TRRAP: variants seen among roughly 807,000 people sequenced by gnomAD.
TRRAP encodes the protein transformation/transcription domain associated protein.
In TRRAP, 41 loss-of-function variants were observed where a neutral mutation model predicts 438.8. The observed-to-expected ratio is 0.09, with a 90% CI of 0.07 to 0.12. The LOEUF (loss-of-function observed/expected upper bound fraction) is 0.12, where lower values mean the gene tolerates loss of function less well. Among genes scored for constraint, TRRAP ranks in the 10% least tolerant of loss-of-function variants. The pLI, the probability that TRRAP is intolerant of heterozygous loss-of-function variation, is 1.00. For missense variants in TRRAP, 3,122 were observed against 5,055.1 expected, an observed-to-expected ratio of 0.62 and a Z score of 11.60; for synonymous variants, 1,994 against 1,962.9, an observed-to-expected ratio of 1.02 and a Z score of -0.42.
rs1792070051 is a variant in TRRAP, at chr7:98,964,637, A to G, written c.6838A>G (p.Met2280Val). The change falls in exon 48 of 73, where the codon ATG (methionine) becomes GTG (valine). Residue 2280 changes from methionine (M) to valine (V), a missense_variant. This residue lies in a region of TRRAP where 992 missense variants were observed against 1,281.2 expected (regional missense o/e 0.77). Coordinates refer to ENST00000456197, the MANE Select transcript of TRRAP (RefSeq NM_001375524.1). ...ANPSQLFGTL[M>V]ILKSACSNNP... The stretch of plus-strand genomic sequence containing the variant: ...CAATTTCTACATTTTAGGGACCCTT[A>G]TGATCCTCAAGTCTGCCTGCAGCAA... The G allele has an allele frequency of 1.2e-6, 2 of 1,612,584 alleles. No individual in the cohort carries two copies. The highest frequency in any genetic ancestry group is 1.7e-6 in the Non-Finnish European group (2 of 1,179,630).
chr7:98,965,549 G>GTGC lies in TRRAP; in HGVS notation c.6977-145_6977-143dup. 2.9e-6 allele frequency: 3 copies of GTGC among 1,039,290 alleles called. No homozygotes were observed. The East Asian group carries it at 7.6e-5, about 26-fold the overall frequency. 64.4% of individuals were successfully genotyped at this position (1,039,290 alleles called of 1,614,324 possible). On this transcript the variant is annotated intron_variant, in intron 48 of 72. Coordinates refer to ENST00000456197, the MANE Select transcript of TRRAP (RefSeq NM_001375524.1). ...CCAAGATGCACGTAAGAACATATGA[G>GTGC]TGCTTCAAATCCCAGAGCTCTAGTT...
Position 98,942,973 on chromosome 7 carries a change from G to A in TRRAP, c.4429G>A (p.Val1477Met), listed in dbSNP as rs1554416019. 7 of 1,614,220 alleles carry A rather than the reference G, an allele frequency of 4.3e-6. No homozygotes were observed. Among genetic ancestry groups the A allele is most frequent in the Non-Finnish European group, 5.9e-6 (7 of 1,180,048 alleles). The change falls in exon 31 of 73, where the codon GTG becomes ATG. Residue 1477 changes from valine to methionine, a missense_variant. By Grantham distance (21) the Val-to-Met change is conservative (BLOSUM62 1). Around this residue, in one of 24 missense-constraint regions of TRRAP, gnomAD observed 108 missense variants for 256.9 expected, o/e 0.42. Transcript: ENST00000456197. The part of the protein sequence containing the change: ...MMQHLRKWME[V>M]VVITHKGGQR... The stretch of plus-strand genomic sequence containing the variant: ...GCAACATCTGCGCAAGTGGATGGAA[G>A]TGGTGGTGATCACCCACAAAGGGGG...
chr7:99,001,835 T>A (rs1793935561), intron 67 of TRRAP, among the ~76,000 whole-genome samples: 1 of 152,186 alleles, frequency 6.6e-6, no homozygotes, highest in Non-Finnish European at 1.5e-5. Flanking sequence ...TCCATTCATG[T>A]GGGAACTGGT....
In TRRAP at chr7:98,918,996, A is replaced by G. The variant is rs115878630; in HGVS notation, c.2622+1317A>G. 6.1e-3 allele frequency among the ~76,000 whole-genome samples: 933 copies of G among 152,164 alleles called. 10 individuals are homozygous for G. Among genetic ancestry groups the G allele is most frequent in the African/African-American group, 0.021 (870 of 41,540 alleles). Reference sequence around the variant, plus strand: ...GCTTAAACTGTCTCAAAAAAAAAAAAAAAAGAAAAAAAGGTTGATATGTTA... The same window carrying G: ...GCTTAAACTGTCTCAAAAAAAAAAAGAAAAGAAAAAAAGGTTGATATGTTA... On this transcript the variant is annotated intron_variant, in intron 20 of 72. Coordinates refer to ENST00000456197, the MANE Select transcript of TRRAP (RefSeq NM_001375524.1).
chr7:99,011,530 T>G lies in TRRAP; in HGVS notation c.11332T>G (p.Phe3778Val). The change falls in exon 72 of 73, where the codon TTT becomes GTT. Residue 3778 changes from phenylalanine to valine, a missense_variant. By Grantham distance (50) the Phe-to-Val change is conservative (BLOSUM62 -1). This residue lies in a region of TRRAP where 192 missense variants were observed against 355.6 expected (regional missense o/e 0.54). Transcript: ENST00000456197. This position sits in a 1 kb window ranked among gnomAD's most constrained non-coding sequence, Gnocchi z 7.1. Reference protein sequence around the residue: ...AVARCFAQPNFKVDGILKTVL... With the variant: ...AVARCFAQPNVKVDGILKTVL... ...CGCCCGGTGCTTCGCCCAGCCAAACTTTAAGGTGGGTCTCCACGTCGTCCT... is the reference window on the plus strand; with the variant it reads ...CGCCCGGTGCTTCGCCCAGCCAAACGTTAAGGTGGGTCTCCACGTCGTCCT... The G allele has an allele frequency of 6.2e-7, 1 of 1,613,544 alleles. No individual in the cohort carries two copies. Among genetic ancestry groups the G allele is most frequent in the Non-Finnish European group, 8.5e-7 (1 of 1,179,756 alleles).
intron 8 of TRRAP, 68 bp downstream of exon 8, chr7:98,897,934 T>A: frequency 6.4e-7 from 1 of 1,551,464 alleles, no homozygotes; most frequent in Non-Finnish European, 8.7e-7. Flanking sequence ...TGTTAAACCA[T>A]TTTTTTTTCT....
chr7:98,899,872 G>T, intron 10 of TRRAP, 105 bp downstream of exon 10: 1 of 1,312,456 alleles, frequency 7.6e-7, no homozygotes, highest in Non-Finnish European at 1.1e-6. Context: ...ATAAAATTTT[G>T]GTAAAATTAT....
chr7:98,946,606 GCA>G (rs1177329076), intron 33 of TRRAP, among the ~76,000 whole-genome samples: 3 of 145,944 alleles, frequency 2.1e-5, no homozygotes, highest in East Asian at 2.0e-4. Flanking sequence ...CAACACATAT[GCA>G]CACACACCAC....
At chr7:98,899,600 GTGA>G in intron 9 of TRRAP, 76 bp from the exon 10 acceptor site, 1 of 1,604,090 alleles carries the variant, frequency 6.2e-7, no homozygotes, top group Non-Finnish European at 8.5e-7. Context: ...GCTAAATAAT[GTGA>G]TGATTCTTCG....
At chr7:98,957,127 A>G (rs1791654849) in intron 43 of TRRAP, among the ~76,000 whole-genome samples, 1 of 151,060 alleles carries the variant, frequency 6.6e-6, no homozygotes, top group South Asian at 2.1e-4. Flanking sequence ...CACTTTGTCC[A>G]TTGGCCTCGC....
intron 16 of TRRAP, 32 bp from the exon 17 acceptor site, chr7:98,911,045 T>C (rs1379511872): frequency 1.1e-5 from 17 of 1,599,538 alleles, no homozygotes; most frequent in Non-Finnish European, 1.4e-5. Context: ...TCAGTTTTAA[T>C]GCCTGTGGGC....
chr7:98,923,744 G>A (rs1430763387), intron 21 of TRRAP, among the ~76,000 whole-genome samples: 1 of 152,234 alleles, frequency 6.6e-6, no homozygotes, highest in African/African-American at 2.4e-5. Context: ...AGGGGCTGGT[G>A]GGGAGGGCCT....
intron 47 of TRRAP, 51 bp downstream of exon 47, chr7:98,962,478 C>T: frequency 6.2e-7 from 1 of 1,611,692 alleles, no homozygotes; most frequent in Non-Finnish European, 8.5e-7. Flanking sequence ...TGGCCTCTTT[C>T]CCCGCTCACT....
At position 98,984,118 on chromosome 7, in the gene TRRAP, C is replaced by A. The variant is rs755620745; in HGVS notation, c.9048C>A (p.Ser3016Arg). Reference sequence around the variant, plus strand: ...CGATTGTAACTGCCTATGAGAATAGCTCTCAGCATGATCCCAGTTCAAATA... The same window carrying A: ...CGATTGTAACTGCCTATGAGAATAGATCTCAGCATGATCCCAGTTCAAATA... Reference protein sequence around the residue: ...YQAIVTAYENSSQHDPSSNNA... With the variant: ...YQAIVTAYENRSQHDPSSNNA... The change falls in exon 61 of 73, where the codon AGC becomes AGA. Residue 3016 changes from serine to arginine, a missense_variant. By Grantham distance (110) the Ser-to-Arg change is moderately radical. Transcript: ENST00000456197. 3 of 1,611,826 alleles carry A rather than the reference C, an allele frequency of 1.9e-6. No homozygotes were observed. The highest frequency in any genetic ancestry group is 2.2e-5 in the South Asian group (2 of 90,522).
At position 98,927,421 on chromosome 7, in the gene TRRAP, C is replaced by A. The variant is rs1162338369; in HGVS notation, c.3175+55C>A. The A allele has an allele frequency of 3.8e-6, 6 of 1,572,412 alleles. No individual in the cohort carries two copies. The Admixed American group carries it at 1.1e-4, about 29-fold the overall frequency. Reference sequence around the variant, plus strand: ...ATTGGTTCTTTGACTTTTATAGGTGCTTTAAAAACTTGCTCAGGACATTTT... The same window carrying A: ...ATTGGTTCTTTGACTTTTATAGGTGATTTAAAAACTTGCTCAGGACATTTT... On this transcript the variant is annotated intron_variant, in intron 23 of 72. Coordinates refer to ENST00000456197, the MANE Select transcript of TRRAP (RefSeq NM_001375524.1).
At chr7:98,941,639 G>A (rs1790801548) in intron 30 of TRRAP, among the ~76,000 whole-genome samples, 1 of 152,144 alleles carries the variant, frequency 6.6e-6, no homozygotes, top group Admixed American at 6.5e-5. Flanking sequence ...GAGCCATTCT[G>A]GTAAGGAGTA....
rs1235321862 is a variant in TRRAP at position 98,933,309 on chromosome 7, C to T, written c.3921C>T (p.Gly1307=). ...ACCAGCCTGCCAACGCACAGATTGG[C>T]CTGATGGAGGGGAACACGTTCTGTA... ...LRHQPANAQI[G]LMEGNTFCTT... Residue 1307 remains glycine, a synonymous_variant, in exon 27 of 73, where the codon GGC becomes GGT. Transcript: ENST00000456197. 3 of 1,614,024 alleles carry T rather than the reference C, an allele frequency of 1.9e-6. No homozygotes were observed. Among genetic ancestry groups the T allele is most frequent in the African/African-American group, 1.3e-5 (1 of 74,910 alleles).
At chr7:98,925,046 A>G (rs893062271) in intron 21 of TRRAP, 66 bp from the exon 22 acceptor site, 1 of 1,540,344 alleles carries the variant, frequency 6.5e-7, no homozygotes, top group Non-Finnish European at 8.7e-7. Context: ...AGATGCTTTC[A>G]GTGAAAGCTT....
At chr7:98,899,144 G>A (rs1364134475) in intron 8 of TRRAP, among the ~76,000 whole-genome samples, 1 of 152,080 alleles carries the variant, frequency 6.6e-6, no homozygotes, top group African/African-American at 2.4e-5. Context: ...AGCCAAGATC[G>A]CACCACTGCA....
Sources: allele counts gnomAD v4.1 joint callset (sites outside exome capture counted in the v4.1 genomes callset), GRCh38; gene constraint gnomAD v4.1.1; regional missense constraint gnomAD v4.1.1; non-coding constraint Gnocchi (gnomAD v3.1); transcripts MANE v1.5; gene names NCBI Gene and HGNC (gene_info 2026-07-23, HGNC 2026-07-21).